Variants in DYNC2H1 observed in about 807,000 individuals in gnomAD.
DYNC2H1 encodes the protein dynein cytoplasmic 2 heavy chain 1.
A neutral mutation model predicts 570.0 loss-of-function variants in DYNC2H1; 410 were observed. The observed-to-expected ratio is 0.72, with a 90% CI of 0.66 to 0.78. The LOEUF is 0.78. Among genes scored for constraint, DYNC2H1 ranks in the 30% least tolerant of loss-of-function variants. The probability of loss-of-function intolerance (pLI) is 0.00; values close to 1 mark genes in which losing one functional copy is unlikely to be tolerated. For synonymous variants in DYNC2H1, 1,688 were observed against 1,677.6 expected (o/e 1.01, Z -0.15); for missense variants, 4,865 against 5,046.4 (o/e 0.96, Z 1.09).
Position 103,187,529 on chromosome 11 carries a change from C to A in DYNC2H1, c.7083C>A (p.Ile2361=). The A allele has an allele frequency of 6.2e-7, 1 of 1,613,288 alleles. No homozygotes were observed. The highest frequency in any genetic ancestry group is 1.3e-5 in the African/African-American group (1 of 74,976). Residue 2361 remains isoleucine, a synonymous_variant, in exon 43 of 89, where the codon ATC becomes ATA. Coordinates refer to ENST00000375735, the MANE Select transcript of DYNC2H1 (RefSeq NM_001377.3). Reference sequence around the variant, plus strand: ...GACTTGTTCTGTACTTAAAAGATATCAACCTACCTAAACTTGATAAATGGG... The same window carrying A: ...GACTTGTTCTGTACTTAAAAGATATAAACCTACCTAAACTTGATAAATGGG... The part of the protein sequence containing the change: ...CERLVLYLKD[I]NLPKLDKWGT...
rs890707186 is a variant in DYNC2H1, at chr11:103,244,831, T to G, written c.9919-420T>G. On this transcript the variant is annotated intron_variant, in intron 64 of 88. Transcript: ENST00000375735. The surrounding 1 kb of genome is among the most constrained non-coding windows in gnomAD (Gnocchi z 4.3). ...AGTTATAGACATATAAGTAACTATA[T>G]AGTTACTTTTATATATATGTACACA... Among the ~76,000 whole-genome samples, 2 of 150,526 alleles carry G rather than the reference T, an allele frequency of 1.3e-5. No individual in the cohort carries two copies. Among genetic ancestry groups the G allele is most frequent in the African/African-American group, 4.9e-5 (2 of 41,148 alleles).
At position 103,125,159 on chromosome 11, in the gene DYNC2H1, A is replaced by T. The variant is rs760038989; in HGVS notation, c.1721A>T (p.His574Leu). 5.0e-6 allele frequency: 8 copies of T among 1,613,760 alleles called. No individual in the cohort carries two copies. The East Asian group carries it at 1.8e-4, about 36-fold the overall frequency. ...TCTAATGATGGATTACTAAAAGTGC[A>T]TTATTCAGATCGTTTGGTGATTCTT... Reference protein sequence around the residue: ...LDSNDGLLKVHYSDRLVILLR... With the variant: ...LDSNDGLLKVLYSDRLVILLR... The change falls in exon 12 of 89, where the codon CAT (histidine) becomes CTT (leucine). Residue 574 changes from histidine to leucine, a missense_variant. Around this residue, in one of 5 missense-constraint regions of DYNC2H1, gnomAD observed 1,936 missense variants for 1,962.1 expected, o/e 0.99. Transcript: ENST00000375735.
chr11:103,143,370 G>A lies in DYNC2H1; in HGVS notation c.2677G>A (p.Gly893Arg), dbSNP rs767453335. 3.1e-6 allele frequency: 5 copies of A among 1,611,286 alleles called. No homozygotes were observed. Among genetic ancestry groups the A allele is most frequent in the African/African-American group, 1.3e-5 (1 of 74,764 alleles). ...EKNFKALKIK[G>R]KEVERLPSAV... ...AAATTTTAAAGCATTAAAAATAAAGGGGAAAGAAGTAGAACGACTTCCAAG... is the reference window on the plus strand; with the variant it reads ...AAATTTTAAAGCATTAAAAATAAAGAGGAAAGAAGTAGAACGACTTCCAAG... The change falls in exon 18 of 89, where the codon GGG (glycine) becomes AGG (arginine). Residue 893 changes from glycine to arginine, a missense_variant. Physicochemically the swap from Gly to Arg is moderately radical, Grantham distance 125. Coordinates refer to ENST00000375735, the MANE Select transcript of DYNC2H1 (RefSeq NM_001377.3).
intron 85 of DYNC2H1, 158 bp from the exon 86 acceptor site, chr11:103,455,028 G>A: frequency 1.9e-6 from 1 of 524,298 alleles, no homozygotes; most frequent in Non-Finnish European, 3.3e-6. Context: ...TGCAATGCCA[G>A]ACTTTACAAT....
Position 103,133,817 on chromosome 11 carries a change from A to G in DYNC2H1, c.2106+110A>G, listed in dbSNP as rs894110171. On this transcript the variant is annotated intron_variant, in intron 14 of 88. Transcript: ENST00000375735. The surrounding 1 kb of genome is among the most constrained non-coding windows in gnomAD (Gnocchi z 4.8). ...GAAATAATTTGAGACTTAAAGTTAC[A>G]AAAATAGTACAGAGAAATCACAATT... 2 of 1,169,238 alleles carry G rather than the reference A, an allele frequency of 1.7e-6. No homozygotes were observed. The highest frequency in any genetic ancestry group is 1.2e-6 in the Non-Finnish European group (1 of 855,390). 72.4% of individuals were successfully genotyped at this position (1,169,238 alleles called of 1,614,324 possible). A position where few individuals can be genotyped will look rare whatever the true frequency, so the allele number is the denominator to read the frequency against.
At chr11:103,298,875 T>A (rs907133571) in intron 75 of DYNC2H1, among the ~76,000 whole-genome samples, 1 of 152,176 alleles carries the variant, frequency 6.6e-6, no homozygotes, top group Non-Finnish European at 1.5e-5. Flanking sequence ...TAGTCTTGAT[T>A]TGAATATTTA....
chr11:103,453,062 A>G lies in DYNC2H1; in HGVS notation c.12457-2124A>G, dbSNP rs189369546. Among the ~76,000 whole-genome samples the G allele has an allele frequency of 2.0e-5, 3 of 152,144 alleles. No individual in the cohort carries two copies. In the East Asian group the frequency reaches 5.8e-4, roughly 29 times the overall value. On this transcript the variant is annotated intron_variant, in intron 85 of 88. Coordinates refer to ENST00000375735, the MANE Select transcript of DYNC2H1 (RefSeq NM_001377.3). ...CTAGCCCATTTAGCTGTTCAATTCT[A>G]TTAGCTATTTATTCACTTACTTCCA...
chr11:103,397,500 A>G (rs1044307157), intron 83 of DYNC2H1, among the ~76,000 whole-genome samples: 8 of 152,240 alleles, frequency 5.3e-5, no homozygotes, highest in African/African-American at 1.7e-4. Context: ...TTGCATAAAT[A>G]TGCTCCATTC....
intron 75 of DYNC2H1, among the ~76,000 whole-genome samples, chr11:103,291,941 G>C (rs2135370197): frequency 6.6e-6 from 1 of 152,096 alleles, no homozygotes; most frequent in Admixed American, 6.5e-5. Context: ...GTCTATATGA[G>C]TCTTTATATG....
At position 103,177,477 on chromosome 11, in the gene DYNC2H1, C is replaced by T. The variant is rs1359996581; in HGVS notation, c.5875-79C>T. 4.3e-6 allele frequency: 6 copies of T among 1,411,378 alleles called. No homozygotes were observed. The highest frequency in any genetic ancestry group is 5.7e-6 in the Non-Finnish European group (6 of 1,049,072). The allele number at this position is 1,411,378 out of a possible 1,614,324, so 87.4% of individuals were successfully genotyped here. On this transcript the variant is annotated intron_variant, in intron 37 of 88. Transcript: ENST00000375735. This position sits in a 1 kb window ranked among gnomAD's most constrained non-coding sequence, Gnocchi z 4.4. ...CAAAGGCTTAATTTACACATTAGAA[C>T]AAGTGTTACAGAATAAAAGCAGAAC... is the stretch of plus-strand genomic sequence containing the variant.
chr11:103,479,524 T>G lies in DYNC2H1; in HGVS notation c.*271T>G, dbSNP rs1450265132. On this transcript the variant is annotated 3_prime_UTR_variant, in exon 89 of 89. Coordinates refer to ENST00000375735, the MANE Select transcript of DYNC2H1 (RefSeq NM_001377.3). ...GTTCACTTTTCCAGTGGCTCAAAAA[T>G]TTGTTTTAGGTCAGAGATTTTAAGT... 1 of 262,452 alleles carries G rather than the reference T, an allele frequency of 3.8e-6. No homozygotes were observed. The highest frequency in any genetic ancestry group is 7.0e-6 in the Non-Finnish European group (1 of 143,252). 16.3% of individuals were successfully genotyped at this position (262,452 alleles called of 1,614,324 possible). A position where few individuals can be genotyped will look rare whatever the true frequency, so the allele number is the denominator to read the frequency against.
intron 31 of DYNC2H1, among the ~76,000 whole-genome samples, chr11:103,167,744 G>A (rs1024744680): frequency 6.6e-6 from 1 of 152,178 alleles, no homozygotes; most frequent in African/African-American, 2.4e-5. Flanking sequence ...TTTGGGTTTT[G>A]TTTAAATCCT....
At chr11:103,436,711 C>T (rs960742402) in intron 85 of DYNC2H1, among the ~76,000 whole-genome samples, 3 of 152,102 alleles carry the variant, frequency 2.0e-5, no homozygotes, top group African/African-American at 7.2e-5. Context: ...ATCCCTGCTC[C>T]ACCTTTGAAC....
chr11:103,248,391 G>C (rs1339959900), intron 65 of DYNC2H1, among the ~76,000 whole-genome samples: 3 of 152,022 alleles, frequency 2.0e-5, no homozygotes, highest in Non-Finnish European at 4.4e-5. Context: ...TTTCTGAAGT[G>C]TTTGGACCTA....
chr11:103,225,173 T>C (rs576038504), intron 59 of DYNC2H1, among the ~76,000 whole-genome samples: 4 of 152,210 alleles, frequency 2.6e-5, no homozygotes, highest in Non-Finnish European at 5.9e-5. Flanking sequence ...ATGTATAGAT[T>C]GTGAAGATTT....
At chr11:103,178,746 GTAGAAGACAA>G (rs1293537566) in intron 38 of DYNC2H1, among the ~76,000 whole-genome samples, 1 of 151,966 alleles carries the variant, frequency 6.6e-6, no homozygotes, top group Non-Finnish European at 1.5e-5. Flanking sequence ...TCATAACATA[GTAGAAGACAA>G]AAGTCTGAAG....
intron 70 of DYNC2H1, among the ~76,000 whole-genome samples, chr11:103,269,626 T>C (rs543292265): frequency 6.6e-6 from 1 of 152,314 alleles, no homozygotes; most frequent in South Asian, 2.1e-4. Flanking sequence ...CTAAAACACA[T>C]AAAGAAAGCT....
rs2135100428 is a variant in DYNC2H1, at chr11:103,205,202, A to G, written c.8454+238A>G. The stretch of plus-strand genomic sequence containing the variant: ...ACCCCAGAGACAACTATACTTTAAA[A>G]TTTTATGGCTTTAATTAACTAGCCT... On this transcript the variant is annotated intron_variant, in intron 52 of 88. Coordinates refer to ENST00000375735, the MANE Select transcript of DYNC2H1 (RefSeq NM_001377.3). The surrounding 1 kb of genome is among the most constrained non-coding windows in gnomAD (Gnocchi z 4.5). Among the ~76,000 whole-genome samples the G allele has an allele frequency of 6.6e-6, 1 of 152,280 alleles. No individual in the cohort carries two copies. The highest frequency in any genetic ancestry group is 2.4e-5 in the African/African-American group (1 of 41,574).
chr11:103,332,467 AACAC>A (rs1162100565), intron 82 of DYNC2H1, among the ~76,000 whole-genome samples: 4 of 152,310 alleles, frequency 2.6e-5, no homozygotes, highest in East Asian at 1.9e-4. Flanking sequence ...TTAAAAAACA[AACAC>A]ACACAGGCAT....
Sources: gnomAD v4.1 joint callset for allele counts (sites outside exome capture counted in the v4.1 genomes callset) on GRCh38, gnomAD v4.1.1 for gene constraint, gnomAD v4.1.1 regional missense constraint, Gnocchi (gnomAD v3.1) non-coding constraint, MANE v1.5 for transcripts, NCBI Gene and HGNC (gene_info 2026-07-23, HGNC 2026-07-21) for gene names.